The following TRPM3 variants were observed in gnomAD, a reference collection of about 807,000 sequenced individuals.
TRPM3 encodes transient receptor potential cation channel subfamily M member 3.
A neutral mutation model predicts 181.2 loss-of-function variants in TRPM3; 77 were observed. That is an observed-to-expected ratio of 0.42 (90% CI 0.35 to 0.51). The LOEUF (loss-of-function observed/expected upper bound fraction) is 0.51, where lower values mean the gene tolerates loss of function less well. Ranked by LOEUF, TRPM3 falls within the 20% of genes least tolerant of loss-of-function variation. The pLI is 0.01. For synonymous variants in TRPM3, 745 were observed against 796.4 expected (o/e 0.94, Z 1.09); for missense variants, 1,759 against 2,196.7 (o/e 0.80, Z 3.98).
At chr9:71,185,774 G>A (rs1223941685) in intron 1 of TRPM3, among the ~76,000 whole-genome samples, 1 of 152,026 alleles carries the variant, frequency 6.6e-6, no homozygotes, top group African/African-American at 2.4e-5. Context: ...TCATCCTTGA[G>A]CTCAATGGCC....
intron 1 of TRPM3, among the ~76,000 whole-genome samples, chr9:70,922,907 A>C (rs534780658): frequency 6.6e-6 from 1 of 152,344 alleles, no homozygotes; most frequent in African/African-American, 2.4e-5. Flanking sequence ...GGGGCCTGAG[A>C]AAAGAGAAGA....
At chr9:70,851,422 C>T (rs2095225836) in intron 3 of TRPM3, among the ~76,000 whole-genome samples, 1 of 152,146 alleles carries the variant, frequency 6.6e-6, no homozygotes, top group South Asian at 2.1e-4. Context: ...ATTATTCATA[C>T]TAATTGGTAA....
intron 1 of TRPM3, among the ~76,000 whole-genome samples, chr9:71,224,791 A>G (rs1385502687): frequency 6.6e-6 from 1 of 152,192 alleles, no homozygotes; most frequent in African/African-American, 2.4e-5. Context: ...AAAGAAAAAA[A>G]AAAGAAAGAA....
At chr9:70,803,451 G>GTTTT (rs36024262) in intron 6 of TRPM3, among the ~76,000 whole-genome samples, 4 of 125,328 alleles carry the variant, frequency 3.2e-5, no homozygotes, top group Non-Finnish European at 4.9e-5. Context: ...CGTTTTTGTT[G>GTTTT]TTTTTTTTTT....
chr9:70,898,880 G>A (rs1471177305), intron 1 of TRPM3, among the ~76,000 whole-genome samples: 1 of 152,084 alleles, frequency 6.6e-6, no homozygotes, highest in Non-Finnish European at 1.5e-5. Flanking sequence ...GGCTGAACTA[G>A]TCTTTTGAAC....
intron 1 of TRPM3, among the ~76,000 whole-genome samples, chr9:71,031,181 G>A (rs1328872113): frequency 6.6e-6 from 1 of 152,100 alleles, no homozygotes; most frequent in African/African-American, 2.4e-5. Flanking sequence ...TGAGAGTTTA[G>A]GAAAGATGTT....
At chr9:70,939,405 G>C (rs2096863054) in intron 1 of TRPM3, among the ~76,000 whole-genome samples, 1 of 152,104 alleles carries the variant, frequency 6.6e-6, no homozygotes, top group Non-Finnish European at 1.5e-5. Context: ...TATTCAGTAG[G>C]ATTAATGACT....
chr9:70,643,356 T>G (rs1329018595), intron 9 of TRPM3, among the ~76,000 whole-genome samples: 1 of 152,182 alleles, frequency 6.6e-6, no homozygotes, highest in African/African-American at 2.4e-5. Flanking sequence ...GCCATTTGTA[T>G]GTTGCAAATT....
At chr9:71,169,146 T>C (rs768599669) in intron 1 of TRPM3, among the ~76,000 whole-genome samples, 5 of 152,200 alleles carry the variant, frequency 3.3e-5, no homozygotes, top group Non-Finnish European at 5.9e-5. Context: ...ATTCTTGCCA[T>C]GTTGTAAAGT....
intron 19 of TRPM3, among the ~76,000 whole-genome samples, chr9:70,605,333 A>C (rs2060857840): frequency 1.3e-5 from 2 of 152,176 alleles, no homozygotes. Flanking sequence ...CAACTGTTGC[A>C]CAAAAGTCCC....
At chr9:70,691,337 G>T (rs1445127336) in intron 8 of TRPM3, among the ~76,000 whole-genome samples, 1 of 151,496 alleles carries the variant, frequency 6.6e-6, no homozygotes, top group East Asian at 1.9e-4. Context: ...AAAAATAAGC[G>T]ATTATTTGAC....
At chr9:70,558,545 A>G (rs1368744300) in intron 22 of TRPM3, among the ~76,000 whole-genome samples, 1 of 152,170 alleles carries the variant, frequency 6.6e-6, no homozygotes, top group Admixed American at 6.5e-5. Flanking sequence ...CTTCTTCCCC[A>G]AAGTATAAAG....
At chr9:70,999,633 T>A (rs1026381097) in intron 1 of TRPM3, among the ~76,000 whole-genome samples, 1 of 152,234 alleles carries the variant, frequency 6.6e-6, no homozygotes, top group Non-Finnish European at 1.5e-5. Context: ...CTGGCATACT[T>A]TAATTGCCAT....
intron 6 of TRPM3, among the ~76,000 whole-genome samples, chr9:70,793,201 C>A (rs10868888): frequency 6.6e-6 from 1 of 152,000 alleles, no homozygotes; most frequent in Admixed American, 6.6e-5. Flanking sequence ...ATGCCGTAAT[C>A]CCAGCTCTTT....
Position 71,188,144 on chromosome 9 carries a change from C to T in TRPM3, c.183+258509G>A, listed in dbSNP as rs567816432. ...TATACAATACACTTCTGGAAGGAGA[C>T]GTCCTAAATAACACTTTTGCTTATG... On this transcript the variant is annotated intron_variant, in intron 1 of 24. Coordinates refer to the TRPM3 transcript ENST00000357533. Among the ~76,000 whole-genome samples, 6 of 151,888 alleles carry T rather than the reference C, an allele frequency of 4.0e-5. No individual in the cohort carries two copies. In the South Asian group the frequency reaches 6.2e-4, roughly 16 times the overall value.
At chr9:70,865,139 T>C (rs1276013954) in intron 1 of TRPM3, among the ~76,000 whole-genome samples, 1 of 151,962 alleles carries the variant, frequency 6.6e-6, no homozygotes, top group Non-Finnish European at 1.5e-5. Context: ...AAAAGTAAGA[T>C]AGCACATTTT....
chr9:70,657,186 T>C (rs1429365408), intron 9 of TRPM3, among the ~76,000 whole-genome samples: 1 of 132,298 alleles, frequency 7.6e-6, no homozygotes, highest in Non-Finnish European at 1.6e-5. Flanking sequence ...TTTCTACACA[T>C]TGGGCTTGAG....
intron 1 of TRPM3, among the ~76,000 whole-genome samples, chr9:71,439,266 A>G (rs1348252416): frequency 1.3e-5 from 2 of 152,212 alleles, no homozygotes; most frequent in Non-Finnish European, 1.5e-5. Flanking sequence ...AAAATTAAAG[A>G]CCATAAACAA....
At chr9:71,338,783 C>T (rs1252784035) in intron 1 of TRPM3, among the ~76,000 whole-genome samples, 4 of 152,140 alleles carry the variant, frequency 2.6e-5, no homozygotes, top group Admixed American at 2.6e-4. Context: ...CTCTCTCAGT[C>T]TTAGAGTCAG....
Sources: gnomAD v4.1 joint callset for allele counts (sites outside exome capture counted in the v4.1 genomes callset) on GRCh38, gnomAD v4.1.1 for gene constraint, MANE v1.5 for transcripts, NCBI Gene and HGNC (gene_info 2026-07-23, HGNC 2026-07-21) for gene names.